Variants in PCDH15 observed in about 807,000 individuals in gnomAD.
The protein encoded by PCDH15 is protocadherin related 15.
Under a neutral mutation model 178.5 loss-of-function variants are expected in PCDH15, and 129 were observed. That is an observed-to-expected ratio of 0.72 (90% CI 0.63 to 0.84). PCDH15 has a LOEUF of 0.84. Among genes scored for constraint, PCDH15 ranks in the 40% least tolerant of loss-of-function variants. The pLI is 0.00. For missense variants in PCDH15, 2,230 were observed against 2,099.9 expected (o/e 1.06, Z -1.21); for synonymous variants, 800 against 732.0 (o/e 1.09, Z -1.50).
intron 3 of PCDH15, among the ~76,000 whole-genome samples, chr10:54,893,957 C>T (rs1954507431): frequency 6.6e-6 from 1 of 152,078 alleles, no homozygotes; most frequent in Non-Finnish European, 1.5e-5. Context: ...CATCTGATCA[C>T]TGGAAAAGCA....
At chr10:54,225,671 G>T (rs2053356481) in intron 9 of PCDH15, among the ~76,000 whole-genome samples, 2 of 152,220 alleles carry the variant, frequency 1.3e-5, no homozygotes, top group East Asian at 1.9e-4. Context: ...CCCTAAAATA[G>T]AATTGAGAAT....
Position 54,860,512 on chromosome 10 carries a change from A to G in PCDH15, c.-29+36938T>C, listed in dbSNP as rs368036191. Among the ~76,000 whole-genome samples, 6 of 152,150 alleles carry G rather than the reference A, an allele frequency of 3.9e-5. No homozygotes were observed. The East Asian group carries it at 7.7e-4, about 19-fold the overall frequency. On this transcript the variant is annotated intron_variant, in intron 3 of 5. Coordinates refer to the PCDH15 transcript ENST00000458638. ...TTTTTTTATGGCTGCATAGTATTCC[A>G]TGGTATAGATGTACAACATTTTCTT... is the stretch of plus-strand genomic sequence containing the variant.
chr10:54,623,104 CCTGA>C (rs937899912), intron 2 of PCDH15, among the ~76,000 whole-genome samples: 8 of 152,064 alleles, frequency 5.3e-5, no homozygotes, highest in Admixed American at 4.6e-4. Flanking sequence ...ACTTTCCCTG[CCTGA>C]CTTTCCATTT....
intron 3 of PCDH15, among the ~76,000 whole-genome samples, chr10:54,476,224 A>G (rs1017995528): frequency 6.6e-6 from 1 of 151,752 alleles, no homozygotes; most frequent in African/African-American, 2.4e-5. Context: ...CAGATTGCAA[A>G]TATAGGGAGT....
At chr10:54,957,690 G>A (rs2131880765) in intron 2 of PCDH15, among the ~76,000 whole-genome samples, 1 of 151,650 alleles carries the variant, frequency 6.6e-6, no homozygotes, top group East Asian at 1.9e-4. Flanking sequence ...TGATCAAAAT[G>A]AAGGAATGTA....
intron 2 of PCDH15, among the ~76,000 whole-genome samples, chr10:55,044,383 A>T (rs1024642723): frequency 3.9e-5 from 6 of 152,136 alleles, no homozygotes; most frequent in African/African-American, 1.4e-4. Flanking sequence ...AGTATTAGAA[A>T]ACCTAACGCA....
At chr10:54,681,288 G>A (rs1033055528) in intron 1 of PCDH15, among the ~76,000 whole-genome samples, 3 of 152,144 alleles carry the variant, frequency 2.0e-5, no homozygotes, top group Non-Finnish European at 2.9e-5. Context: ...ATGTCCCATA[G>A]ATTGATATGA....
intron 3 of PCDH15, among the ~76,000 whole-genome samples, chr10:54,876,686 C>G (rs979715512): frequency 6.6e-6 from 1 of 152,064 alleles, no homozygotes; most frequent in African/African-American, 2.4e-5. Context: ...AAGCAGAGCT[C>G]GAAGAGGTGA....
chr10:54,919,504 G>A (rs1370912410), intron 2 of PCDH15, among the ~76,000 whole-genome samples: 1 of 152,086 alleles, frequency 6.6e-6, no homozygotes, highest in Non-Finnish European at 1.5e-5. Context: ...AAAATATAAA[G>A]CCACACATAT....
chr10:55,458,260 A>G (rs1472468667), intron 2 of PCDH15, among the ~76,000 whole-genome samples: 1 of 152,054 alleles, frequency 6.6e-6, no homozygotes, highest in Non-Finnish European at 1.5e-5. Flanking sequence ...TTTTAAATGC[A>G]ATATACCAAG....
chr10:55,352,874 C>T (rs1170798911), intron 2 of PCDH15, among the ~76,000 whole-genome samples: 1 of 152,104 alleles, frequency 6.6e-6, no homozygotes. Flanking sequence ...TGCTGCTGGT[C>T]TGATCCACTA....
intron 2 of PCDH15, among the ~76,000 whole-genome samples, chr10:55,588,259 G>A (rs1842767473): frequency 6.6e-6 from 1 of 152,078 alleles, no homozygotes; most frequent in Admixed American, 6.6e-5. Flanking sequence ...ATAAGTTGCT[G>A]GCAGCTAAGA....
At chr10:54,320,734 G>A (rs530379387) in intron 7 of PCDH15, among the ~76,000 whole-genome samples, 1 of 151,946 alleles carries the variant, frequency 6.6e-6, no homozygotes, top group African/African-American at 2.4e-5. Flanking sequence ...CTTCCAAGGG[G>A]CAGATTCCAA....
chr10:54,799,132 A>G (rs896026204), intron 1 of PCDH15, among the ~76,000 whole-genome samples: 1 of 152,154 alleles, frequency 6.6e-6, no homozygotes, highest in African/African-American at 2.4e-5. Context: ...TCAAATAATT[A>G]TAGTGATTTC....
intron 2 of PCDH15, among the ~76,000 whole-genome samples, chr10:55,013,198 T>C (rs771299831): frequency 2.0e-5 from 3 of 152,162 alleles, no homozygotes; most frequent in African/African-American, 4.8e-5. Context: ...ACATTTCCCA[T>C]CTGGATGTGG....
In PCDH15 at chr10:54,378,717, A is replaced by T. The variant is rs1286327387; in HGVS notation, c.318+65T>A. ...GTAAATAATTCAATATCATATAAAC[A>T]CACACATAGACATTTAAATTATAAT... On this transcript the variant is annotated intron_variant, in intron 4 of 37. Coordinates refer to ENST00000644397, the MANE Select transcript of PCDH15 (RefSeq NM_001384140.1). The T allele has an allele frequency of 2.2e-4, 339 of 1,514,858 alleles. 1 individual carries two copies. In the East Asian group the frequency reaches 7.8e-3, roughly 35 times the overall value. 93.8% of individuals were successfully genotyped at this position (1,514,858 alleles called of 1,614,324 possible).
intron 2 of PCDH15, among the ~76,000 whole-genome samples, chr10:54,977,416 T>A (rs1391789398): frequency 6.6e-6 from 1 of 152,126 alleles, no homozygotes; most frequent in Non-Finnish European, 1.5e-5. Flanking sequence ...ATACTGTAAT[T>A]ATAGTACATT....
intron 2 of PCDH15, among the ~76,000 whole-genome samples, chr10:55,545,010 G>A (rs1030068171): frequency 6.6e-6 from 1 of 152,054 alleles, no homozygotes; most frequent in African/African-American, 2.4e-5. Context: ...CACTTTATAG[G>A]TAGTATACTT....
intron 2 of PCDH15, among the ~76,000 whole-genome samples, chr10:55,334,979 C>A (rs906344084): frequency 6.6e-6 from 1 of 152,086 alleles, no homozygotes; most frequent in African/African-American, 2.4e-5. Context: ...TTAATAAAAA[C>A]CTGTTATAAC....
Sources: allele counts gnomAD v4.1 joint callset (sites outside exome capture counted in the v4.1 genomes callset), GRCh38; gene constraint gnomAD v4.1.1; transcripts MANE v1.5; gene names NCBI Gene and HGNC (gene_info 2026-07-23, HGNC 2026-07-21).